The following DPP6 variants were observed in gnomAD, a reference collection of about 807,000 sequenced individuals.
DPP6 encodes A-type potassium channel modulatory protein DPP6.
Under a neutral mutation model 122.6 loss-of-function variants are expected in DPP6, and 69 were observed. That is an observed-to-expected ratio of 0.56 (90% CI 0.46 to 0.69). The LOEUF is 0.69. DPP6 is among the 30% of genes least tolerant of loss of function. The pLI is 0.00. For missense variants in DPP6, 928 were observed against 1,116.9 expected, an observed-to-expected ratio of 0.83 and a Z score of 2.41; for synonymous variants, 418 against 433.1, an observed-to-expected ratio of 0.97 and a Z score of 0.43.
intron 15 of DPP6, among the ~76,000 whole-genome samples, chr7:154,806,042 G>A (rs1161658013): frequency 3.3e-5 from 5 of 152,206 alleles, no homozygotes; most frequent in Non-Finnish European, 5.9e-5. Flanking sequence ...GCCATCGGCC[G>A]CTATGCGGAC....
At chr7:154,763,464 A>C (rs1795701413) in intron 8 of DPP6, among the ~76,000 whole-genome samples, 1 of 152,170 alleles carries the variant, frequency 6.6e-6, no homozygotes, top group African/African-American at 2.4e-5. Flanking sequence ...GATGAAATAA[A>C]TATGTCTCCT....
intron 17 of DPP6, among the ~76,000 whole-genome samples, chr7:154,859,792 G>A (rs1046036805): frequency 1.3e-5 from 2 of 152,204 alleles, no homozygotes; most frequent in Non-Finnish European, 2.9e-5. Flanking sequence ...ATACATTGCG[G>A]GCTTTAATGT....
At chr7:154,355,002 C>T (rs1811159459) in intron 1 of DPP6, among the ~76,000 whole-genome samples, 2 of 152,268 alleles carry the variant, frequency 1.3e-5, no homozygotes, top group South Asian at 4.1e-4. Flanking sequence ...TACATTCTCT[C>T]CTCACCTGCC....
At chr7:154,064,231 G>A (rs1431928558) in intron 1 of DPP6, among the ~76,000 whole-genome samples, 1 of 152,164 alleles carries the variant, frequency 6.6e-6, no homozygotes, top group Non-Finnish European at 1.5e-5. Context: ...GGTCTTGATT[G>A]TTGGGGCCCT....
the DPP6 span, among the ~76,000 whole-genome samples, chr7:153,776,918 A>C: frequency 3.3e-5 from 5 of 152,336 alleles, no homozygotes; most frequent in South Asian, 1.0e-3. Context: ...ACTTTGTTAT[A>C]ATTTTAAAAC....
chr7:154,394,282 T>C (rs998963440), intron 1 of DPP6, among the ~76,000 whole-genome samples: 3 of 152,172 alleles, frequency 2.0e-5, no homozygotes, highest in Admixed American at 2.0e-4. Flanking sequence ...TTTTTAACAG[T>C]AGCCATCCTA....
At chr7:154,073,173 A>G (rs1433830359) in intron 1 of DPP6, among the ~76,000 whole-genome samples, 3 of 152,226 alleles carry the variant, frequency 2.0e-5, no homozygotes, top group Admixed American at 2.0e-4. Flanking sequence ...TGCAGCGAGC[A>G]TGTTCCTTCG....
chr7:153,932,227 TCTC>T (rs931648300), intron 1 of DPP6, among the ~76,000 whole-genome samples: 29 of 150,946 alleles, frequency 1.9e-4, no homozygotes, highest in African/African-American at 6.1e-4. Context: ...TTCAAGCAAT[TCTC>T]CTGCCTCGGC....
intron 1 of DPP6, among the ~76,000 whole-genome samples, chr7:154,101,473 G>A (rs2533843): frequency 0.33 from 48,442 of 145,952 alleles, 8,708 homozygotes; most frequent in East Asian, 0.44. Flanking sequence ...AGAGAAGAGT[G>A]AACAAGGCAG....
chr7:154,530,317 G>A (rs1376092807), intron 3 of DPP6, among the ~76,000 whole-genome samples: 1 of 152,198 alleles, frequency 6.6e-6, no homozygotes, highest in African/African-American at 2.4e-5. Context: ...AGCTAAAAAT[G>A]TGATGAAAGA....
intron 1 of DPP6, among the ~76,000 whole-genome samples, chr7:154,021,382 G>A (rs1798692589): frequency 6.6e-6 from 1 of 152,184 alleles, no homozygotes; most frequent in Admixed American, 6.5e-5. Flanking sequence ...GTACTCAGGG[G>A]TGCTGTGCTA....
At chr7:154,260,526 C>T (rs936018567) in intron 1 of DPP6, among the ~76,000 whole-genome samples, 1 of 151,734 alleles carries the variant, frequency 6.6e-6, no homozygotes, top group Admixed American at 6.6e-5. Context: ...AGCTTAGCTC[C>T]CATTTATGAG....
At chr7:154,867,862 T>TA (rs1804021289) in intron 17 of DPP6, 133 bp from the exon 18 acceptor site, 1 of 1,238,098 alleles carries the variant, frequency 8.1e-7, no homozygotes. Context: ...TCTTTTTCTG[T>TA]ACACTAGAAA....
intron 1 of DPP6, among the ~76,000 whole-genome samples, chr7:154,141,971 C>G (rs1795870661): frequency 6.6e-6 from 1 of 152,126 alleles, no homozygotes; most frequent in Non-Finnish European, 1.5e-5. Flanking sequence ...CAGGACCAAT[C>G]AAAAGGAGCT....
At chr7:154,562,601 T>G (rs1400867333) in intron 4 of DPP6, among the ~76,000 whole-genome samples, 2 of 152,022 alleles carry the variant, frequency 1.3e-5, no homozygotes, top group Non-Finnish European at 2.9e-5. Flanking sequence ...TAGAGTGCAA[T>G]AAGGCAACCA....
At chr7:154,429,229 A>T (rs1162945151) in intron 1 of DPP6, among the ~76,000 whole-genome samples, 2 of 151,964 alleles carry the variant, frequency 1.3e-5, no homozygotes, top group Non-Finnish European at 2.9e-5. Context: ...GATCAAATGA[A>T]TGAGTTCTGG....
intron 2 of DPP6, among the ~76,000 whole-genome samples, chr7:154,455,678 C>A (rs1284080535): frequency 2.0e-5 from 3 of 152,060 alleles, no homozygotes; most frequent in Non-Finnish European, 4.4e-5. Flanking sequence ...AGGTGCATCT[C>A]GCTTATTTAT....
At chr7:154,319,408 A>G (rs1351053309) in intron 1 of DPP6, among the ~76,000 whole-genome samples, 1 of 152,208 alleles carries the variant, frequency 6.6e-6, no homozygotes. Flanking sequence ...AAAATGCAAC[A>G]TGAGACTGGG....
intron 1 of DPP6, among the ~76,000 whole-genome samples, chr7:153,918,872 G>T (rs945100553): frequency 5.9e-5 from 9 of 151,424 alleles, no homozygotes. Context: ...CCAGCTACTT[G>T]GGAGGCTGAG....
Sources: gnomAD v4.1 joint callset for allele counts (sites outside exome capture counted in the v4.1 genomes callset) on GRCh38, gnomAD v4.1.1 for gene constraint, MANE v1.5 for transcripts, NCBI Gene and HGNC (gene_info 2026-07-23, HGNC 2026-07-21) for gene names.